The following FGF14 variants were observed in gnomAD, a reference collection of about 807,000 sequenced individuals.
FGF14 encodes the protein fibroblast growth factor 14.
FGF14 carries 5 observed loss-of-function variants against 25.5 expected under a neutral mutation model. That is an observed-to-expected ratio of 0.20 (90% CI 0.10 to 0.41). FGF14 has a LOEUF of 0.41. FGF14 is among the 10% of genes least tolerant of loss of function. The probability of loss-of-function intolerance (pLI) is 1.00; values close to 1 mark genes in which losing one functional copy is unlikely to be tolerated. For missense variants in FGF14, 222 were observed against 320.1 expected (o/e 0.69, Z 2.34); for synonymous variants, 138 against 118.3 (o/e 1.17, Z -1.08).
At chr13:101,926,955 G>A (rs1039569534) in intron 1 of FGF14, among the ~76,000 whole-genome samples, 17 of 152,094 alleles carry the variant, frequency 1.1e-4, no homozygotes, top group African/African-American at 3.9e-4. Flanking sequence ...AGCTTTATGC[G>A]GACAGAGGAA....
At chr13:102,322,837 G>A (rs897235413) in intron 1 of FGF14, among the ~76,000 whole-genome samples, 34 of 151,098 alleles carry the variant, frequency 2.3e-4, no homozygotes, top group African/African-American at 6.8e-4. Flanking sequence ...ATACATTCCC[G>A]TACTGTCCCA....
At chr13:101,796,836 G>A (rs2040553404) in intron 3 of FGF14, among the ~76,000 whole-genome samples, 1 of 152,062 alleles carries the variant, frequency 6.6e-6, no homozygotes, top group Admixed American at 6.6e-5. Flanking sequence ...TGTTACGGCA[G>A]CCCTAGCAGA....
In FGF14 at chr13:101,916,856, C is replaced by T. The variant is rs1353741123; in HGVS notation, c.-211G>A. Reference sequence around the variant, plus strand: ...GCGCGGGGCCAGGCGCGCAGATGCGCCCAGGGCGCAGCCGGACGATCCCGG... The same window carrying T: ...GCGCGGGGCCAGGCGCGCAGATGCGTCCAGGGCGCAGCCGGACGATCCCGG... On this transcript the variant is annotated 5_prime_UTR_variant, in exon 1 of 5. Coordinates refer to ENST00000376143, the MANE Select transcript of FGF14 (RefSeq NM_004115.4). 1.2e-4 allele frequency among the ~76,000 whole-genome samples: 18 copies of T among 152,128 alleles called. No individual in the cohort carries two copies. The highest frequency in any genetic ancestry group is 1.1e-3 in the Admixed American group (17 of 15,278).
intron 1 of FGF14, among the ~76,000 whole-genome samples, chr13:102,338,868 A>G (rs1292346988): frequency 1.3e-5 from 2 of 151,846 alleles, no homozygotes; most frequent in African/African-American, 2.4e-5. Context: ...AAAATTAGCC[A>G]GGCATGGTGG....
chr13:102,188,957 AAAG>A, intron 1 of FGF14, among the ~76,000 whole-genome samples: 1 of 56,354 alleles, frequency 1.8e-5, no homozygotes, highest in South Asian at 6.7e-4. Flanking sequence ...AGAAAGAAAG[AAAG>A]AAAGAAAGAA....
At chr13:101,973,798 C>G (rs543006732) in intron 1 of FGF14, among the ~76,000 whole-genome samples, 1 of 152,152 alleles carries the variant, frequency 6.6e-6, no homozygotes, top group East Asian at 1.9e-4. Flanking sequence ...TTGGCAACAC[C>G]CTCACAGACA....
At chr13:102,030,016 G>A (rs572702920) in intron 1 of FGF14, among the ~76,000 whole-genome samples, 14 of 152,076 alleles carry the variant, frequency 9.2e-5, no homozygotes, top group African/African-American at 2.2e-4. Flanking sequence ...CATAAACTAC[G>A]GACTCCTCTT....
chr13:101,763,469 A>G (rs9518518), intron 3 of FGF14, among the ~76,000 whole-genome samples: 65,364 of 152,084 alleles, frequency 0.43, 15,165 homozygotes, highest in Non-Finnish European at 0.52. Context: ...AGACAGGCAT[A>G]GTGAAGGAAC....
chr13:102,270,386 C>T (rs1350707231), intron 1 of FGF14, among the ~76,000 whole-genome samples: 1 of 151,260 alleles, frequency 6.6e-6, no homozygotes, highest in South Asian at 2.1e-4. Context: ...AAATCTGTAT[C>T]ATATTACATG....
intron 1 of FGF14, among the ~76,000 whole-genome samples, chr13:102,231,517 A>G (rs2140993974): frequency 6.6e-6 from 1 of 152,336 alleles, no homozygotes; most frequent in South Asian, 2.1e-4. Flanking sequence ...AAGAACTGTA[A>G]GCCACAATTC....
chr13:102,107,180 A>G (rs532089921), intron 1 of FGF14, among the ~76,000 whole-genome samples: 8 of 152,332 alleles, frequency 5.3e-5, no homozygotes, highest in Admixed American at 2.0e-4. Context: ...ATTTTTTTAA[A>G]AAAACGAATT....
chr13:102,161,936 C>T (rs1379483920), intron 1 of FGF14, among the ~76,000 whole-genome samples: 1 of 150,902 alleles, frequency 6.6e-6, no homozygotes, highest in Non-Finnish European at 1.5e-5. Flanking sequence ...TTTTTTTTAT[C>T]CTAAAGGTAA....
At chr13:101,854,008 T>C (rs1455278184) in intron 3 of FGF14, among the ~76,000 whole-genome samples, 1 of 152,094 alleles carries the variant, frequency 6.6e-6, no homozygotes, top group Non-Finnish European at 1.5e-5. Context: ...TGAATCACTA[T>C]TATATGATGA....
At position 102,252,048 on chromosome 13, in the gene FGF14, G is replaced by C. The variant is rs559218890; in HGVS notation, c.208+149423C>G. ...AATGTTTTACTGATCCCAGACACCT[G>C]TATATCGATGCGGCTAATCTAATCT... On this transcript the variant is annotated intron_variant, in intron 1 of 4. Coordinates refer to the FGF14 transcript ENST00000376131. 1.3e-4 allele frequency among the ~76,000 whole-genome samples: 20 copies of C among 152,278 alleles called. 1 individual carries two copies. Among genetic ancestry groups the C allele is most frequent in the Admixed American group, 1.3e-3 (20 of 15,282 alleles).
intron 1 of FGF14, among the ~76,000 whole-genome samples, chr13:102,209,416 T>C (rs1186785679): frequency 1.3e-5 from 2 of 152,196 alleles, no homozygotes; most frequent in Admixed American, 1.3e-4. Context: ...TTCATGAATT[T>C]TGCATTTTCC....
intron 1 of FGF14, among the ~76,000 whole-genome samples, chr13:102,210,986 C>T (rs1012882229): frequency 1.2e-4 from 19 of 152,042 alleles, no homozygotes; most frequent in Admixed American, 5.9e-4. Flanking sequence ...ACGAAAGACC[C>T]CTGGGTTCTC....
chr13:101,898,718 A>AT (rs1225988160), intron 1 of FGF14, among the ~76,000 whole-genome samples: 3 of 152,150 alleles, frequency 2.0e-5, no homozygotes, highest in Admixed American at 6.6e-5. Context: ...ACTTCTAGTT[A>AT]TAACCAACTA....
intron 1 of FGF14, among the ~76,000 whole-genome samples, chr13:102,126,439 TACC>T (rs1473693360): frequency 1.3e-5 from 2 of 152,222 alleles, no homozygotes; most frequent in East Asian, 3.8e-4. Flanking sequence ...TGTATGTAGA[TACC>T]ACATTTTGTT....
At position 101,903,485 on chromosome 13, in the gene FGF14, G is replaced by A. The variant is rs769073567; in HGVS notation, c.193+12968C>T. Among the ~76,000 whole-genome samples, 28 of 152,078 alleles carry A rather than the reference G, an allele frequency of 1.8e-4. 1 individual carries two copies. Among genetic ancestry groups the A allele is most frequent in the Non-Finnish European group, 2.2e-4 (15 of 68,022 alleles). On this transcript the variant is annotated intron_variant, in intron 1 of 4. Coordinates refer to ENST00000376143, the MANE Select transcript of FGF14 (RefSeq NM_004115.4). ...ACAAATAAAAGTGTCTGGAAGAATC[G>A]AGTTCTATAAATACTGGGAGGCATT...
Sources: allele counts gnomAD v4.1 joint callset (sites outside exome capture counted in the v4.1 genomes callset), GRCh38; gene constraint gnomAD v4.1.1; transcripts MANE v1.5; gene names NCBI Gene and HGNC (gene_info 2026-07-23, HGNC 2026-07-21).